The following PTPRG variants were observed in gnomAD, a reference collection of about 807,000 sequenced individuals.
PTPRG encodes protein tyrosine phosphatase receptor type G.
Under a neutral mutation model 165.3 loss-of-function variants are expected in PTPRG, and 102 were observed. The observed-to-expected ratio is 0.62, with a 90% confidence interval of 0.53 to 0.73. The LOEUF (loss-of-function observed/expected upper bound fraction) is 0.73. Ranked by LOEUF, PTPRG falls within the 30% of genes least tolerant of loss-of-function variation. The pLI is 0.00. For synonymous variants in PTPRG, 675 were observed against 669.5 expected, an observed-to-expected ratio of 1.01 and a Z score of -0.13; for missense variants, 1,866 against 1,861.4, an observed-to-expected ratio of 1.00 and a Z score of -0.05.
At chr3:61,661,869 C>T (rs2107027898) in intron 1 of PTPRG, among the ~76,000 whole-genome samples, 1 of 152,302 alleles carries the variant, frequency 6.6e-6, no homozygotes, top group South Asian at 2.1e-4. Flanking sequence ...ACACCACCAC[C>T]ACCCAATCCC....
chr3:62,112,399 C>G (rs561283458), intron 5 of PTPRG, among the ~76,000 whole-genome samples: 1 of 152,222 alleles, frequency 6.6e-6, no homozygotes, highest in Non-Finnish European at 1.5e-5. Context: ...CCATCCCGCC[C>G]TGCCAGTCAC....
chr3:61,721,603 G>A (rs2106794019), intron 1 of PTPRG, among the ~76,000 whole-genome samples: 1 of 152,230 alleles, frequency 6.6e-6, no homozygotes, highest in Non-Finnish European at 1.5e-5. Context: ...GATTAGCTTT[G>A]TGTCCTGTTT....
chr3:61,665,469 TACACACACACACACACAC>T (rs10662394), intron 1 of PTPRG, among the ~76,000 whole-genome samples: 2 of 143,920 alleles, frequency 1.4e-5, no homozygotes, highest in African/African-American at 2.6e-5. Flanking sequence ...TGTAAATAAA[TACACACACACACACACAC>T]ACACACACAC....
At chr3:62,106,588 C>T (rs1280182774) in intron 5 of PTPRG, among the ~76,000 whole-genome samples, 2 of 149,900 alleles carry the variant, frequency 1.3e-5, no homozygotes, top group African/African-American at 4.9e-5. Flanking sequence ...GCAGCCTTGA[C>T]ATCCCCCAGG....
At chr3:61,899,847 G>C (rs771445628) in intron 2 of PTPRG, among the ~76,000 whole-genome samples, 1 of 152,196 alleles carries the variant, frequency 6.6e-6, no homozygotes, top group Non-Finnish European at 1.5e-5. Context: ...CTTCAGTTCT[G>C]CTACCAACTT....
intron 2 of PTPRG, among the ~76,000 whole-genome samples, chr3:61,965,735 T>G (rs942018969): frequency 6.6e-6 from 1 of 152,238 alleles, no homozygotes; most frequent in African/African-American, 2.4e-5. Flanking sequence ...ACACTAAGCA[T>G]TTCACCTCAT....
intron 4 of PTPRG, among the ~76,000 whole-genome samples, chr3:62,007,713 T>G (rs1048528841): frequency 2.0e-5 from 3 of 152,210 alleles, no homozygotes; most frequent in African/African-American, 7.2e-5. Context: ...TGTTATAGTC[T>G]GAAGTAGAGG....
intron 2 of PTPRG, among the ~76,000 whole-genome samples, chr3:61,890,061 A>C (rs957881626): frequency 3.3e-5 from 5 of 152,192 alleles, no homozygotes; most frequent in African/African-American, 1.2e-4. Context: ...AGATATTTTA[A>C]GTTTTTCCCA....
chr3:62,267,575 C>A, intron 18 of PTPRG, 83 bp downstream of exon 18: 1 of 1,522,486 alleles, frequency 6.6e-7, no homozygotes, highest in Non-Finnish European at 9.0e-7. Flanking sequence ...TAATACTGTA[C>A]AGAGCTTTCA....
chr3:61,810,005 A>G (rs562859719), intron 2 of PTPRG, among the ~76,000 whole-genome samples: 2 of 152,140 alleles, frequency 1.3e-5, no homozygotes, highest in African/African-American at 4.8e-5. Context: ...TATAGCTGCA[A>G]TGGGGGGCTG....
At chr3:61,629,314 C>T (rs879795139) in intron 1 of PTPRG, among the ~76,000 whole-genome samples, 1 of 152,062 alleles carries the variant, frequency 6.6e-6, no homozygotes, top group South Asian at 2.1e-4. Context: ...ACCACCATGA[C>T]CGGCTAATTT....
chr3:61,924,722 A>G (rs1370020241), intron 2 of PTPRG, among the ~76,000 whole-genome samples: 2 of 152,236 alleles, frequency 1.3e-5, no homozygotes, highest in African/African-American at 2.4e-5. Flanking sequence ...AAAGGGCCAG[A>G]TAGCAAATGT....
chr3:61,656,933 C>A (rs542066822), intron 1 of PTPRG, among the ~76,000 whole-genome samples: 1 of 152,266 alleles, frequency 6.6e-6, no homozygotes, highest in South Asian at 2.1e-4. Flanking sequence ...CATTCTAGAA[C>A]CTGTGTAGGG....
Position 62,031,681 on chromosome 3 carries a change from G to A in PTPRG, c.519+28184G>A, listed in dbSNP as rs905405809. On this transcript the variant is annotated intron_variant, in intron 4 of 29. Coordinates refer to ENST00000474889, the MANE Select transcript of PTPRG (RefSeq NM_002841.4). ...CTTAAAGTAATACAGCTAAGTGATG[G>A]TGGTTACTAATCTAGATCTGATTGG... Among the ~76,000 whole-genome samples, 40 of 152,168 alleles carry A rather than the reference G, an allele frequency of 2.6e-4. 1 individual carries two copies. The highest frequency in any genetic ancestry group is 1.5e-5 in the Non-Finnish European group (1 of 68,010).
At chr3:62,091,145 C>T (rs1490126653) in intron 5 of PTPRG, among the ~76,000 whole-genome samples, 15 of 152,204 alleles carry the variant, frequency 9.9e-5, no homozygotes, top group Admixed American at 9.8e-4. Flanking sequence ...CTTCCCCATA[C>T]CATGAAGTCT....
intron 2 of PTPRG, among the ~76,000 whole-genome samples, chr3:61,794,788 G>A (rs1269962979): frequency 1.3e-5 from 2 of 152,138 alleles, no homozygotes; most frequent in African/African-American, 4.8e-5. Flanking sequence ...CTTCAACTTT[G>A]GGAACTTACC....
intron 2 of PTPRG, among the ~76,000 whole-genome samples, chr3:61,782,067 T>C (rs760965507): frequency 2.0e-5 from 3 of 152,166 alleles, no homozygotes; most frequent in East Asian, 1.9e-4. Flanking sequence ...TGCAACCTCA[T>C]TGAATGGGTA....
intron 2 of PTPRG, among the ~76,000 whole-genome samples, chr3:61,885,414 T>A (rs527488886): frequency 6.0e-4 from 91 of 150,986 alleles, no homozygotes; most frequent in African/African-American, 1.8e-3. Context: ...GTTTTTTTTT[T>A]AATTTCTTTT....
chr3:61,937,959 G>T (rs1444719633), intron 2 of PTPRG, among the ~76,000 whole-genome samples: 1 of 150,380 alleles, frequency 6.6e-6, no homozygotes, highest in African/African-American at 2.5e-5. Flanking sequence ...TCCCCCTTCA[G>T]TGAATTATCT....
Sources: gnomAD v4.1 joint callset for allele counts (sites outside exome capture counted in the v4.1 genomes callset) on GRCh38, gnomAD v4.1.1 for gene constraint, MANE v1.5 for transcripts, NCBI Gene and HGNC (gene_info 2026-07-23, HGNC 2026-07-21) for gene names.